HS3ST5: variants seen among roughly 807,000 people sequenced by gnomAD.
The protein encoded by HS3ST5 is heparan sulfate glucosamine 3-O-sulfotransferase 5.
A neutral mutation model predicts 25.4 loss-of-function variants in HS3ST5; 10 were observed. The ratio of observed to expected loss-of-function variants is 0.39; its 90% CI spans 0.24 to 0.67. The LOEUF (loss-of-function observed/expected upper bound fraction) is 0.67. Among genes scored for constraint, HS3ST5 ranks in the 30% least tolerant of loss-of-function variants. HS3ST5 has a pLI of 0.44. For synonymous variants in HS3ST5, 170 were observed against 162.4 expected, an observed-to-expected ratio of 1.05 and a Z score of -0.36; for missense variants, 324 against 420.7, an observed-to-expected ratio of 0.77 and a Z score of 2.01.
At chr6:114,289,587 A>G (rs73542386) in intron 1 of HS3ST5, among the ~76,000 whole-genome samples, 4,905 of 152,178 alleles carry the variant, frequency 0.032, 278 homozygotes, top group African/African-American at 0.11. Context: ...GTTTCCTTGT[A>G]AATCACAGAT....
chr6:114,306,219 C>T (rs1159687531), intron 1 of HS3ST5, among the ~76,000 whole-genome samples: 1 of 141,316 alleles, frequency 7.1e-6, no homozygotes, highest in African/African-American at 2.6e-5. Context: ...TAAGGCAAAG[C>T]TTCTGTAAAT....
At chr6:114,295,640 G>A (rs942029689) in intron 1 of HS3ST5, among the ~76,000 whole-genome samples, 5 of 152,180 alleles carry the variant, frequency 3.3e-5, no homozygotes, top group South Asian at 2.1e-4. Flanking sequence ...AAATAACAAC[G>A]TGGAGAATAA....
At chr6:114,068,081 A>T (rs954689283) in intron 3 of HS3ST5, among the ~76,000 whole-genome samples, 2 of 152,238 alleles carry the variant, frequency 1.3e-5, no homozygotes, top group Admixed American at 6.5e-5. Flanking sequence ...AAAAAGAATT[A>T]AAAAATGCAG....
chr6:114,239,296 G>A (rs1254680604), intron 1 of HS3ST5: 1 of 152,210 alleles, frequency 6.6e-6, no homozygotes, highest in African/African-American at 2.4e-5. Flanking sequence ...TAGTGGAGAG[G>A]ATGATTTTTC....
At chr6:114,251,195 T>G (rs1772643487) in intron 1 of HS3ST5, among the ~76,000 whole-genome samples, 1 of 152,170 alleles carries the variant, frequency 6.6e-6, no homozygotes, top group Admixed American at 6.5e-5. Context: ...AACAGTATTA[T>G]GTGTAGGAGA....
chr6:114,084,784 C>A (rs1438341244), intron 3 of HS3ST5: 6 of 748,630 alleles, frequency 8.0e-6, no homozygotes, highest in Non-Finnish European at 4.9e-6. Context: ...CAGCAGCAAA[C>A]TTAAGCATAT....
chr6:114,245,539 C>A (rs1772337708), intron 1 of HS3ST5, among the ~76,000 whole-genome samples: 1 of 151,976 alleles, frequency 6.6e-6, no homozygotes, highest in Non-Finnish European at 1.5e-5. Context: ...GACAACCAAG[C>A]AGAAGTGGTT....
chr6:114,079,569 C>G (rs1774334506), intron 3 of HS3ST5, among the ~76,000 whole-genome samples: 1 of 152,150 alleles, frequency 6.6e-6, no homozygotes, highest in African/African-American at 2.4e-5. Flanking sequence ...CTTGAAGTTC[C>G]CAAAGTCATT....
intron 1 of HS3ST5, among the ~76,000 whole-genome samples, chr6:114,283,838 G>A (rs1774228991): frequency 6.6e-6 from 1 of 151,966 alleles, no homozygotes; most frequent in Non-Finnish European, 1.5e-5. Flanking sequence ...TGATACATTT[G>A]CAAAAAGAAC....
chr6:114,263,329 GA>G (rs1392270233), intron 1 of HS3ST5, among the ~76,000 whole-genome samples: 1 of 151,522 alleles, frequency 6.6e-6, no homozygotes, highest in Non-Finnish European at 1.5e-5. Context: ...TTCAAAAATG[GA>G]AAAAAACTTA....
At chr6:114,113,087 C>G (rs955530286) in intron 3 of HS3ST5, among the ~76,000 whole-genome samples, 11 of 152,172 alleles carry the variant, frequency 7.2e-5, no homozygotes, top group Non-Finnish European at 1.2e-4. Context: ...TCCAAAGGCA[C>G]TGGTAATTCC....
intron 3 of HS3ST5, among the ~76,000 whole-genome samples, chr6:114,127,774 A>G (rs1777114869): frequency 6.6e-6 from 1 of 152,072 alleles, no homozygotes; most frequent in Non-Finnish European, 1.5e-5. Context: ...ATTCTGACAC[A>G]TGCTACAACA....
intron 1 of HS3ST5, among the ~76,000 whole-genome samples, chr6:114,270,706 C>T (rs1773600048): frequency 6.6e-6 from 1 of 152,062 alleles, no homozygotes; most frequent in South Asian, 2.1e-4. Flanking sequence ...GGAGGTCTGC[C>T]TGTGTGAGTT....
chr6:114,335,678 C>T (rs1028432680), intron 1 of HS3ST5, among the ~76,000 whole-genome samples: 2 of 148,776 alleles, frequency 1.3e-5, no homozygotes, highest in African/African-American at 5.0e-5. Context: ...TTAAATTAGA[C>T]GGAATCTCAC....
intron 3 of HS3ST5, among the ~76,000 whole-genome samples, chr6:114,094,639 T>C (rs79365386): frequency 0.011 from 1,613 of 152,322 alleles, 15 homozygotes; most frequent in South Asian, 0.022. Context: ...ACAGCAATAG[T>C]TGGAGGTAAA....
chr6:114,267,594 G>T (rs1242050068), intron 1 of HS3ST5, among the ~76,000 whole-genome samples: 2 of 151,842 alleles, frequency 1.3e-5, no homozygotes, highest in African/African-American at 4.9e-5. Flanking sequence ...TCTAGAGTTG[G>T]AGTACTTACT....
chr6:114,294,623 T>G (rs1241013965), intron 1 of HS3ST5, among the ~76,000 whole-genome samples: 1 of 152,024 alleles, frequency 6.6e-6, no homozygotes, highest in Admixed American at 6.5e-5. Flanking sequence ...TTTTCTGTAT[T>G]TTTAGTAGAG....
intron 1 of HS3ST5, among the ~76,000 whole-genome samples, chr6:114,251,323 G>A (rs1772648964): frequency 6.6e-6 from 1 of 152,162 alleles, no homozygotes; most frequent in Non-Finnish European, 1.5e-5. Context: ...GAGGTAATGG[G>A]CTGGAGGCTA....
At chr6:114,336,300 T>C (rs1458084561) in intron 1 of HS3ST5, among the ~76,000 whole-genome samples, 2 of 152,214 alleles carry the variant, frequency 1.3e-5, no homozygotes, top group Non-Finnish European at 2.9e-5. Context: ...TCCATTACCA[T>C]ATAATAGATA....
Sources: allele counts gnomAD v4.1 joint callset (sites outside exome capture counted in the v4.1 genomes callset), GRCh38; gene constraint gnomAD v4.1.1; transcripts MANE v1.5; gene names NCBI Gene and HGNC (gene_info 2026-07-23, HGNC 2026-07-21).